The following NYAP1 variants were observed in gnomAD, a reference collection of about 807,000 sequenced individuals.
NYAP1 encodes neuronal tyrosine-phosphorylated phosphoinositide-3-kinase adapter 1.
In NYAP1, 20 loss-of-function variants were observed where a neutral mutation model predicts 58.6. The observed-to-expected ratio is 0.34, with a 90% CI of 0.24 to 0.50. NYAP1 has a LOEUF of 0.50. Ranked by LOEUF, NYAP1 falls within the 20% of genes least tolerant of loss-of-function variation. The probability of loss-of-function intolerance (pLI) is 0.98; values close to 1 mark genes in which losing one functional copy is unlikely to be tolerated. For synonymous variants in NYAP1, 572 were observed against 523.1 expected (o/e 1.09, Z -1.27); for missense variants, 1,150 against 1,194.5 (o/e 0.96, Z 0.55).
rs1260129469 is a variant in NYAP1 at position 100,489,637 on chromosome 7, A to G, written c.1916A>G (p.Tyr639Cys). ...AGWALQRKVL[Y>C]GGRKAKELDK... Reference sequence around the variant, plus strand: ...TGGGCCCTGCAGAGGAAGGTCCTCTATGGAGGGAGAAAAGCAAAGGAGTTG... The same window carrying G: ...TGGGCCCTGCAGAGGAAGGTCCTCTGTGGAGGGAGAAAAGCAAAGGAGTTG... Residue 639 changes from tyrosine (Y) to cysteine (C), a missense_variant, in exon 4 of 7, where the codon TAT becomes TGT. Transcript: ENST00000300179. 10 of 1,334,680 alleles carry G rather than the reference A, an allele frequency of 7.5e-6. No individual in the cohort carries two copies. Among genetic ancestry groups the G allele is most frequent in the South Asian group, 5.7e-5 (5 of 86,972 alleles). 82.7% of individuals were successfully genotyped at this position (1,334,680 alleles called of 1,614,324 possible).
chr7:100,486,981 G>A lies in NYAP1; in HGVS notation c.229G>A (p.Ala77Thr), dbSNP rs1284471582. The change falls in exon 3 of 7, where the codon GCC becomes ACC. Residue 77 changes from alanine to threonine, a missense_variant. By Grantham distance (58) the Ala-to-Thr change is moderately conservative. Transcript: ENST00000300179. The surrounding 1 kb of genome is among the most constrained non-coding windows in gnomAD (Gnocchi z 6.2). ...QEHTPHPCRSAMAPRSLSCHS... is the reference protein window; with the variant it reads ...QEHTPHPCRSTMAPRSLSCHS... ...GCACACCCCGCACCCCTGCCGCAGC[G>A]CCATGGCCCCACGCTCCCTCTCCTG... The A allele has an allele frequency of 1.2e-6, 2 of 1,607,674 alleles. No individual in the cohort carries two copies. The highest frequency in any genetic ancestry group is 1.7e-6 in the Non-Finnish European group (2 of 1,177,622).
Position 100,493,997 on chromosome 7 carries a change from T to A in NYAP1, c.*94T>A. 2 of 1,131,424 alleles carry A rather than the reference T, an allele frequency of 1.8e-6. No homozygotes were observed. The highest frequency in any genetic ancestry group is 1.2e-6 in the Non-Finnish European group (1 of 841,458). 70.1% of individuals were successfully genotyped at this position (1,131,424 alleles called of 1,614,324 possible). A position where few individuals can be genotyped will look rare whatever the true frequency, so the allele number is the denominator to read the frequency against. On this transcript the variant is annotated 3_prime_UTR_variant, in exon 7 of 7. Coordinates refer to ENST00000300179, the MANE Select transcript of NYAP1 (RefSeq NM_173564.4). ...CTCGCCTTGAGAGACATTGAAAGAC[T>A]ACGTGGGAGAGTGCCAGGGAGAACC...
At position 100,489,161 on chromosome 7, in the gene NYAP1, C is replaced by T. The variant is rs1456938678; in HGVS notation, c.1440C>T (p.Pro480=). The change falls in exon 4 of 7, where the codon CCC becomes CCT. Residue 480 remains proline, a synonymous_variant. Transcript: ENST00000300179. The part of the protein sequence containing the change: ...TTHSVLPAGP[P]LGAGEPKTEK... The stretch of plus-strand genomic sequence containing the variant: ...ACTCTGTCCTGCCAGCTGGTCCACC[C>T]CTGGGTGCTGGGGAGCCAAAGACGG... 1 of 1,610,338 alleles carries T rather than the reference C, an allele frequency of 6.2e-7. No individual in the cohort carries two copies. Among genetic ancestry groups the T allele is most frequent in the East Asian group, 2.2e-5 (1 of 44,814 alleles).
chr7:100,493,068 C>T (rs1044007574), intron 6 of NYAP1, among the ~76,000 whole-genome samples: 6 of 151,924 alleles, frequency 3.9e-5, no homozygotes, highest in South Asian at 2.1e-4. Flanking sequence ...CAGCTGGACA[C>T]GGTAGTTGAT....
In NYAP1 at chr7:100,488,217, C is replaced by A. The variant is rs1386182052; in HGVS notation, c.496C>A (p.Arg166=). The change falls in exon 4 of 7, where the codon CGA becomes AGA. Residue 166 remains arginine (R), a synonymous_variant. Transcript: ENST00000300179. This position sits in a 1 kb window ranked among gnomAD's most constrained non-coding sequence, Gnocchi z 5.9. ...GAAGGTTCCTCCGCAGAAGCCCAGG[C>A]GAAGCCCTAACACCCAGCTCTCTGT... ...SRKVPPQKPR[R]SPNTQLSVSF... is the part of the protein sequence containing the mutation. 4 of 1,613,126 alleles carry A rather than the reference C, an allele frequency of 2.5e-6. No homozygotes were observed. Among genetic ancestry groups the A allele is most frequent in the Non-Finnish European group, 3.4e-6 (4 of 1,179,696 alleles).
rs878860319 is a variant in NYAP1 at position 100,489,303 on chromosome 7, C to T, written c.1582C>T (p.Arg528Cys). The T allele has an allele frequency of 3.1e-6, 5 of 1,600,646 alleles. No individual in the cohort carries two copies. Among genetic ancestry groups the T allele is most frequent in the East Asian group, 2.3e-5 (1 of 44,086 alleles). The change falls in exon 4 of 7, where the codon CGC becomes TGC. Residue 528 changes from arginine (R) to cysteine (C), a missense_variant. Physicochemically the swap from Arg to Cys is radical, Grantham distance 180 (BLOSUM62 -3). Coordinates refer to ENST00000300179, the MANE Select transcript of NYAP1 (RefSeq NM_173564.4). ...CGCAGCAGCTGGGGTCCTCCACCAC[C>T]GCGGCTGCCTGGCCTCCCCCCACAG... ...MGAAAGVLHH[R>C]GCLASPHSLP... is the part of the protein sequence containing the mutation.
chr7:100,489,776 T>G, intron 4 of NYAP1, 110 bp downstream of exon 4: 1 of 892,240 alleles, frequency 1.1e-6, no homozygotes, highest in Non-Finnish European at 1.6e-6. Context: ...GTCACAGCCT[T>G]GAGTCTGGGA....
rs1478775331 is a variant in NYAP1, at chr7:100,489,011, G to T, written c.1290G>T (p.Met430Ile). ...GERELPNSHS[M>I]ICPKAAGAPA... ...GGGAGCTCCCCAACTCCCACAGCAT[G>T]ATCTGCCCTAAGGCGGCGGGGGCGC... is the stretch of plus-strand genomic sequence containing the variant. The change falls in exon 4 of 7, where the codon ATG becomes ATT. Residue 430 changes from methionine to isoleucine, a missense_variant. Transcript: ENST00000300179. 6.4e-7 allele frequency: 1 copy of T among 1,573,968 alleles called. No individual in the cohort carries two copies. Among genetic ancestry groups the T allele is most frequent in the South Asian group, 1.1e-5 (1 of 88,034 alleles).
intron 4 of NYAP1, among the ~76,000 whole-genome samples, 199 bp downstream of exon 4, chr7:100,489,865 A>G (rs1260843990): frequency 6.6e-6 from 1 of 152,048 alleles, no homozygotes; most frequent in Non-Finnish European, 1.5e-5. Flanking sequence ...CTGGAGGGGC[A>G]GGAAGGTCTG....
Position 100,489,318 on chromosome 7 carries a change from T to A in NYAP1, c.1597T>A (p.Ser533Thr). Residue 533 changes from serine to threonine, a missense_variant, in exon 4 of 7, where the codon TCC (serine) becomes ACC (threonine). Coordinates refer to ENST00000300179, the MANE Select transcript of NYAP1 (RefSeq NM_173564.4). ...CCTCCACCACCGCGGCTGCCTGGCC[T>A]CCCCCCACAGCCTTCCGGACCCAAC... ...GVLHHRGCLASPHSLPDPTVG... is the reference protein window; with the variant it reads ...GVLHHRGCLATPHSLPDPTVG... 6.2e-7 allele frequency: 1 copy of A among 1,602,820 alleles called. No homozygotes were observed. The highest frequency in any genetic ancestry group is 2.3e-5 in the East Asian group (1 of 44,360).
rs1251005210 is a variant in NYAP1 at position 100,493,496 on chromosome 7, C to T, written c.2269-150C>T. On this transcript the variant is annotated intron_variant, in intron 6 of 6. Transcript: ENST00000300179. ...TGGATTTTGGCCCCCATGGGCCCCA[C>T]AGCCAGAGGGAGCCAGCAGAGGCCG... 6.7e-6 allele frequency: 5 copies of T among 741,208 alleles called. No individual in the cohort carries two copies. The African/African-American group carries it at 7.4e-5, about 11-fold the overall frequency. 45.9% of individuals were successfully genotyped at this position (741,208 alleles called of 1,614,324 possible).
chr7:100,490,564 G>A lies in NYAP1; in HGVS notation c.1993G>A (p.Gly665Ser), dbSNP rs1345846674. 6.3e-7 allele frequency: 1 copy of A among 1,588,194 alleles called. No individual in the cohort carries two copies. Among genetic ancestry groups the A allele is most frequent in the Non-Finnish European group, 8.6e-7 (1 of 1,167,726 alleles). ...RAWNGSAEGP[G>S]KVEREDRGPG... Reference sequence around the variant, plus strand: ...CTGGAATGGCAGTGCCGAGGGTCCAGGCAAGGTGGAGCGTGAGGACAGGGG... The same window carrying A: ...CTGGAATGGCAGTGCCGAGGGTCCAAGCAAGGTGGAGCGTGAGGACAGGGG... Residue 665 changes from glycine (G) to serine (S), a missense_variant, in exon 5 of 7, where the codon GGC becomes AGC. By Grantham distance (56) the Gly-to-Ser change is moderately conservative (BLOSUM62 0). Coordinates refer to ENST00000300179, the MANE Select transcript of NYAP1 (RefSeq NM_173564.4). The surrounding 1 kb of genome is among the most constrained non-coding windows in gnomAD (Gnocchi z 4.6).
Position 100,489,138 on chromosome 7 carries a change from T to G in NYAP1, c.1417T>G (p.Ser473Ala). Reference protein sequence around the residue: ...VYSAVKVTTHSVLPAGPPLGA... With the variant: ...VYSAVKVTTHAVLPAGPPLGA... The stretch of plus-strand genomic sequence containing the variant: ...CTCGGCGGTCAAGGTGACCACGCAC[T>G]CTGTCCTGCCAGCTGGTCCACCCCT... The change falls in exon 4 of 7, where the codon TCT becomes GCT. Residue 473 changes from serine to alanine, a missense_variant. Transcript: ENST00000300179. 1 of 1,606,762 alleles carries G rather than the reference T, an allele frequency of 6.2e-7. No individual in the cohort carries two copies. Among genetic ancestry groups the G allele is most frequent in the Non-Finnish European group, 8.5e-7 (1 of 1,177,282 alleles).
chr7:100,484,197 G>C (rs1005575301), intron 1 of NYAP1, among the ~76,000 whole-genome samples, 196 bp downstream of exon 1: 3 of 152,118 alleles, frequency 2.0e-5, no homozygotes, highest in Admixed American at 6.5e-5. Context: ...ACAGGGGAAG[G>C]GGGAGGACGG....
rs1799832111 is a variant in NYAP1 at position 100,493,809 on chromosome 7, T to G, written c.2432T>G (p.Ile811Ser). The change falls in exon 7 of 7, where the codon ATC becomes AGC. Residue 811 changes from isoleucine to serine, a missense_variant. By Grantham distance (142) the Ile-to-Ser change is moderately radical (BLOSUM62 -2). Coordinates refer to ENST00000300179, the MANE Select transcript of NYAP1 (RefSeq NM_173564.4). ...RGLCKQESMPILPSWRRGPEP... is the reference protein window; with the variant it reads ...RGLCKQESMPSLPSWRRGPEP... Reference sequence around the variant, plus strand: ...CTCTGCAAGCAGGAGAGCATGCCCATCCTCCCCAGCTGGCGGCGGGGACCC... The same window carrying G: ...CTCTGCAAGCAGGAGAGCATGCCCAGCCTCCCCAGCTGGCGGCGGGGACCC... The G allele has an allele frequency of 6.3e-7, 1 of 1,593,508 alleles. No homozygotes were observed. The highest frequency in any genetic ancestry group is 1.4e-5 in the African/African-American group (1 of 73,244).
Position 100,494,154 on chromosome 7 carries a change from T to G in NYAP1, c.*251T>G. On this transcript the variant is annotated 3_prime_UTR_variant, in exon 7 of 7. Transcript: ENST00000300179. ...AGGTTGGGGCGAGAGTCGCTCTGGC[T>G]GTTCTTCCCGCTGGGCGTTGTACAC... The G allele has an allele frequency of 2.2e-6, 1 of 454,786 alleles. No individual in the cohort carries two copies. Among genetic ancestry groups the G allele is most frequent in the Non-Finnish European group, 3.9e-6 (1 of 259,606 alleles). 28.2% of individuals were successfully genotyped at this position (454,786 alleles called of 1,614,324 possible).
At chr7:100,491,513 C>CTTTACCCTGGGAGGTGGAGG (rs1204189852) in intron 6 of NYAP1, among the ~76,000 whole-genome samples, 1 of 151,784 alleles carries the variant, frequency 6.6e-6, no homozygotes, top group African/African-American at 2.4e-5. Flanking sequence ...AGGAAGATGG[C>CTTTACCCTGGGAGGTGGAGG]TTTACCCTGG....
chr7:100,489,386 A>C lies in NYAP1; in HGVS notation c.1665A>C (p.Ala555=). 6.2e-7 allele frequency: 1 copy of C among 1,612,928 alleles called. No individual in the cohort carries two copies. The highest frequency in any genetic ancestry group is 1.1e-5 in the South Asian group (1 of 91,068). The part of the protein sequence containing the change: ...LTPLWTYPAT[A]AGLKRPPAYE... ...CGCTGTGGACCTACCCAGCCACAGC[A>C]GCTGGGCTCAAGAGACCCCCTGCCT... The change falls in exon 4 of 7, where the codon GCA becomes GCC. Residue 555 remains alanine, a synonymous_variant. Coordinates refer to ENST00000300179, the MANE Select transcript of NYAP1 (RefSeq NM_173564.4).
Position 100,486,702 on chromosome 7 carries a change from C to A in NYAP1, c.69-119C>A. The A allele has an allele frequency of 8.1e-7, 1 of 1,234,814 alleles. No individual in the cohort carries two copies. The highest frequency in any genetic ancestry group is 1.1e-6 in the Non-Finnish European group (1 of 937,904). 76.5% of individuals were successfully genotyped at this position (1,234,814 alleles called of 1,614,324 possible). On this transcript the variant is annotated intron_variant, in intron 2 of 6. Coordinates refer to ENST00000300179, the MANE Select transcript of NYAP1 (RefSeq NM_173564.4). This position sits in a 1 kb window ranked among gnomAD's most constrained non-coding sequence, Gnocchi z 6.2. ...GACCTTCTGGCAACCCTGTCCCCAC[C>A]CAGGCTCCCGTCCTCTTCCCTGGGA...
Sources: gnomAD v4.1 joint callset for allele counts (sites outside exome capture counted in the v4.1 genomes callset) on GRCh38, gnomAD v4.1.1 for gene constraint, Gnocchi (gnomAD v3.1) non-coding constraint, MANE v1.5 for transcripts, NCBI Gene and HGNC (gene_info 2026-07-23, HGNC 2026-07-21) for gene names.